Variants in TRIM66 observed in about 807,000 individuals in gnomAD.
TRIM66 encodes the protein tripartite motif-containing protein 66.
A neutral mutation model predicts 148.2 loss-of-function variants in TRIM66; 99 were observed. The ratio of observed to expected loss-of-function variants is 0.67; its 90% CI spans 0.57 to 0.79. TRIM66 has a LOEUF of 0.79. Ranked by LOEUF, TRIM66 falls within the 30% of genes least tolerant of loss-of-function variation. The pLI is 0.00. For missense variants in TRIM66, 1,666 were observed against 1,697.9 expected (o/e 0.98, Z 0.33); for synonymous variants, 616 against 635.9 (o/e 0.97, Z 0.47).
intron 6 of TRIM66, among the ~76,000 whole-genome samples, chr11:8,660,314 G>A (rs1032383489): frequency 5.3e-5 from 8 of 152,056 alleles, no homozygotes; most frequent in South Asian, 2.1e-4. Flanking sequence ...CCTCCCCTGC[G>A]TGTGCCTCAT....
chr11:8,644,285 GA>G, intron 12 of TRIM66: 1 of 366,224 alleles, frequency 2.7e-6, no homozygotes, highest in Non-Finnish European at 5.3e-6. Flanking sequence ...CCACTTCAGT[GA>G]TTATGAATTT....
chr11:8,646,364 C>A (rs186181468), intron 11 of TRIM66, 83 bp downstream of exon 11: 3 of 1,141,132 alleles, frequency 2.6e-6, no homozygotes, highest in African/African-American at 3.1e-5. Flanking sequence ...GAATTACAGC[C>A]TAGGCTTCCC....
chr11:8,672,302 G>T lies in TRIM66; in HGVS notation c.-28C>A. ...CTGCCGTGGAAAACAAAGCGTGGAG[G>T]TGTCTGCTGTTTGTCTGAAGGCGAA... On this transcript the variant is annotated 5_prime_UTR_variant, in exon 5 of 25. Transcript: ENST00000646038. 1 of 1,536,068 alleles carries T rather than the reference G, an allele frequency of 6.5e-7. No individual in the cohort carries two copies. Among genetic ancestry groups the T allele is most frequent in the Non-Finnish European group, 8.7e-7 (1 of 1,146,888 alleles).
Position 8,620,097 on chromosome 11 carries a change from A to G in TRIM66, c.3700T>C (p.Cys1234Arg). The change falls in exon 22 of 25, where the codon TGC (cysteine) becomes CGC (arginine). Residue 1234 changes from cysteine to arginine, a missense_variant. Cys to Arg is a radical substitution (Grantham distance 180, BLOSUM62 -3). Transcript: ENST00000646038. ...AAGGGCAGGCTGAGGTTATTGCAGCACAAGGACAATACCAGCTTCTCACAC... is the reference window on the plus strand; with the variant it reads ...AAGGGCAGGCTGAGGTTATTGCAGCGCAAGGACAATACCAGCTTCTCACAC... ...KKCEKLVLSLCCNNLSLPFHE... is the reference protein window; with the variant it reads ...KKCEKLVLSLRCNNLSLPFHE... 4 of 1,551,768 alleles carry G rather than the reference A, an allele frequency of 2.6e-6. No homozygotes were observed. The highest frequency in any genetic ancestry group is 2.6e-6 in the Non-Finnish European group (3 of 1,146,996).
chr11:8,647,969 C>A lies in TRIM66; in HGVS notation c.842+1G>T, dbSNP rs1410018597. 1 of 1,550,940 alleles carries A rather than the reference C, an allele frequency of 6.4e-7. No homozygotes were observed. The highest frequency in any genetic ancestry group is 8.7e-7 in the Non-Finnish European group (1 of 1,146,168). On this transcript the variant is annotated splice_donor_variant, in intron 10 of 24. Coordinates refer to ENST00000646038, the MANE Select transcript of TRIM66 (RefSeq NM_001388022.1). LOFTEE classifies it high-confidence loss of function. The stretch of plus-strand genomic sequence containing the variant: ...ACTGGCAAGGCACTAGCCTGTGCTA[C>A]CTGTCCTCAATTTGCTTTGCAGATG...
intron 6 of TRIM66, among the ~76,000 whole-genome samples, chr11:8,660,432 T>C (rs1231510617): frequency 6.6e-6 from 1 of 152,228 alleles, no homozygotes; most frequent in African/African-American, 2.4e-5. Context: ...AACCACCCAA[T>C]TTCCCCAGAC....
chr11:8,675,306 T>C (rs1359862262), intron 3 of TRIM66, among the ~76,000 whole-genome samples: 2 of 152,262 alleles, frequency 1.3e-5, no homozygotes, highest in African/African-American at 4.8e-5. Flanking sequence ...AATTTTATCA[T>C]TGGCAACAAA....
At position 8,640,901 on chromosome 11, in the gene TRIM66, A is replaced by G. The variant is rs904105405; in HGVS notation, c.1474T>C (p.Phe492Leu). 3.2e-6 allele frequency: 5 copies of G among 1,550,338 alleles called. No individual in the cohort carries two copies. In the African/African-American group the frequency reaches 5.5e-5, roughly 17 times the overall value. The change falls in exon 14 of 25, where the codon TTC becomes CTC. Residue 492 changes from phenylalanine (F) to leucine (L), a missense_variant. This residue lies in a region of TRIM66 where 1,431 missense variants were observed against 1,412.4 expected (regional missense o/e 1.01). Transcript: ENST00000646038. Reference sequence around the variant, plus strand: ...GGCACCATCTCAGGGGGCTGCCTGAAGCTGTGGGCTGGGTGTATGCTGGGT... The same window carrying G: ...GGCACCATCTCAGGGGGCTGCCTGAGGCTGTGGGCTGGGTGTATGCTGGGT... The part of the protein sequence containing the change: ...PPPSIHPAHS[F>L]RQPPEMVPQQ...
At chr11:8,619,596 G>A in intron 22 of TRIM66, 61 bp from the exon 23 acceptor site, 3 of 1,391,204 alleles carry the variant, frequency 2.2e-6, no homozygotes, top group Non-Finnish European at 2.8e-6. Flanking sequence ...ATGGAGGTGT[G>A]GATAAGAAGG....
Position 8,676,888 on chromosome 11 carries a change from T to C in TRIM66, c.-189-2005A>G, listed in dbSNP as rs540466769. ...ACGAAGTGCTTTACTTAAAAGAATG[T>C]GGGTCTAATGTCTCCAAATCTTAGT... On this transcript the variant is annotated intron_variant, in intron 3 of 24. Coordinates refer to ENST00000646038, the MANE Select transcript of TRIM66 (RefSeq NM_001388022.1). Among the ~76,000 whole-genome samples the C allele has an allele frequency of 5.1e-4, 77 of 152,344 alleles. 1 individual carries two copies. In the South Asian group the frequency reaches 7.7e-3, roughly 15 times the overall value.
At chr11:8,634,756 T>C (rs1175713612) in intron 15 of TRIM66, among the ~76,000 whole-genome samples, 1 of 152,212 alleles carries the variant, frequency 6.6e-6, no homozygotes, top group Non-Finnish European at 1.5e-5. Flanking sequence ...GCAACCTGTT[T>C]CCACCATCGG....
At chr11:8,642,308 G>A (rs150814432) in intron 13 of TRIM66, among the ~76,000 whole-genome samples, 2 of 152,218 alleles carry the variant, frequency 1.3e-5, no homozygotes, top group African/African-American at 4.8e-5. Context: ...TCAAAGGAAA[G>A]AGGGAAGAAA....
chr11:8,681,380 G>A lies in TRIM66; in HGVS notation c.-548+1221C>T, dbSNP rs540546620. Among the ~76,000 whole-genome samples the A allele has an allele frequency of 2.8e-4, 43 of 152,142 alleles. 1 individual carries two copies. The highest frequency in any genetic ancestry group is 9.6e-4 in the African/African-American group (40 of 41,498). On this transcript the variant is annotated intron_variant, in intron 1 of 24. Coordinates refer to ENST00000646038, the MANE Select transcript of TRIM66 (RefSeq NM_001388022.1). ...GATCTCCTGACCTCGTGATCCGCCC[G>A]CCTCGGCCTTCCAAAGTGCTGGGAT...
intron 24 of TRIM66, 127 bp from the exon 25 acceptor site, chr11:8,618,130 T>A: frequency 1.1e-6 from 1 of 917,216 alleles, no homozygotes; most frequent in Non-Finnish European, 1.7e-6. Context: ...AATGCAGCAG[T>A]AAAACTTACT....
rs2034188590 is a variant in TRIM66, at chr11:8,621,297, C to T, written c.3280G>A (p.Ala1094Thr). ...CCCTCCAGACCTGGGGCCTGGGTGG[C>T]CTCAGACAGTCTGTCCTGGCTGACC... ...IKVSQDRLSE[A>T]TQAPGLEGRK... The change falls in exon 20 of 25, where the codon GCC becomes ACC. Residue 1094 changes from alanine to threonine, a missense_variant. By Grantham distance (58) the Ala-to-Thr change is moderately conservative. Transcript: ENST00000646038. The T allele has an allele frequency of 1.3e-6, 2 of 1,551,400 alleles. No individual in the cohort carries two copies. The highest frequency in any genetic ancestry group is 1.4e-5 in the African/African-American group (1 of 73,028).
At chr11:8,671,668 T>C (rs2038940279) in intron 6 of TRIM66, 118 bp downstream of exon 6, 1 of 618,438 alleles carries the variant, frequency 1.6e-6, no homozygotes, top group East Asian at 2.7e-5. Flanking sequence ...CTTTCAGCAA[T>C]GAGTGTCCCT....
chr11:8,645,451 T>C (rs1016846765), intron 12 of TRIM66, among the ~76,000 whole-genome samples: 2 of 152,136 alleles, frequency 1.3e-5, no homozygotes, highest in Non-Finnish European at 2.9e-5. Flanking sequence ...CTGAATCAAT[T>C]ACCTATGACA....
rs1411356633 is a variant in TRIM66 at position 8,645,861 on chromosome 11, C to G, written c.984G>C (p.Lys328Asn). Residue 328 changes from lysine (K) to asparagine (N), a missense_variant, in exon 12 of 25, where the codon AAG becomes AAC. Physicochemically the swap from Lys to Asn is moderately conservative, Grantham distance 94 (BLOSUM62 0). Around this residue, in one of 3 missense-constraint regions of TRIM66, gnomAD observed 1,431 missense variants for 1,412.4 expected, o/e 1.01. Coordinates refer to ENST00000646038, the MANE Select transcript of TRIM66 (RefSeq NM_001388022.1). Reference protein sequence around the residue: ...LEGITNERKRKLEQQLQSIMV... With the variant: ...LEGITNERKRNLEQQLQSIMV... ...TGATGCTCTGTAACTGCTGTTCCAG[C>G]TTCCGCTTTCTCTCATTAGTAATCC... The G allele has an allele frequency of 1.3e-6, 2 of 1,551,568 alleles. No homozygotes were observed. The highest frequency in any genetic ancestry group is 1.4e-5 in the African/African-American group (1 of 73,042).
intron 6 of TRIM66, chr11:8,663,392 T>G (rs1490247625): frequency 6.6e-6 from 1 of 152,204 alleles, no homozygotes; most frequent in Non-Finnish European, 1.5e-5. Context: ...ATTTTTCCTA[T>G]GCATACATAC....
Sources: allele counts gnomAD v4.1 joint callset (sites outside exome capture counted in the v4.1 genomes callset), GRCh38; gene constraint gnomAD v4.1.1; regional missense constraint gnomAD v4.1.1; transcripts MANE v1.5; gene names NCBI Gene and HGNC (gene_info 2026-07-23, HGNC 2026-07-21).